The following POU2F1 variants were observed in gnomAD, a reference collection of about 807,000 sequenced individuals.
POU2F1 encodes the protein POU class 2 homeobox 1.
POU2F1 carries 16 observed loss-of-function variants against 84.9 expected under a neutral mutation model. The ratio of observed to expected loss-of-function variants is 0.19; its 90% CI spans 0.13 to 0.29. The LOEUF (loss-of-function observed/expected upper bound fraction) is 0.29, where lower values mean the gene tolerates loss of function less well. POU2F1 is among the 10% of genes least tolerant of loss of function. The pLI is 1.00. For synonymous variants in POU2F1, 368 were observed against 368.3 expected, an observed-to-expected ratio of 1.00 and a Z score of 0.01; for missense variants, 738 against 942.6, an observed-to-expected ratio of 0.78 and a Z score of 2.84.
At chr1:167,292,489 A>T (rs1320380027) in intron 1 of POU2F1, among the ~76,000 whole-genome samples, 3 of 151,584 alleles carry the variant, frequency 2.0e-5, no homozygotes, top group Admixed American at 6.6e-5. Flanking sequence ...GTTTAAAAAA[A>T]AAAAAAAACT....
chr1:167,351,318 G>A (rs1658544430), intron 2 of POU2F1, among the ~76,000 whole-genome samples: 2 of 151,894 alleles, frequency 1.3e-5, no homozygotes, highest in Non-Finnish European at 2.9e-5. Flanking sequence ...TGTGCCACTT[G>A]CATTCCAACT....
rs114450570 is a variant in POU2F1 at position 167,238,255 on chromosome 1, A to T, written c.61+17297A>T. 6.7e-3 allele frequency among the ~76,000 whole-genome samples: 1,018 copies of T among 152,270 alleles called. 15 individuals carry two copies. The highest frequency in any genetic ancestry group is 0.023 in the African/African-American group (951 of 41,554). On this transcript the variant is annotated intron_variant, in intron 1 of 15. Coordinates refer to ENST00000367866, the MANE Select transcript of POU2F1 (RefSeq NM_002697.4). ...AGAGATTTATCAACTGTATGGCAAG[A>T]AATGCAAAATAAAAATATAAAAGAC...
At chr1:167,363,037 C>G (rs1242752449) in intron 2 of POU2F1, among the ~76,000 whole-genome samples, 2 of 152,110 alleles carry the variant, frequency 1.3e-5, no homozygotes, top group Non-Finnish European at 2.9e-5. Context: ...GAGACCATGC[C>G]TTCAGCTCCT....
intron 1 of POU2F1, among the ~76,000 whole-genome samples, chr1:167,272,912 C>T (rs886479975): frequency 1.3e-5 from 2 of 152,152 alleles, no homozygotes; most frequent in Non-Finnish European, 2.9e-5. Flanking sequence ...AGTCCACAAT[C>T]CAAAGTCTTA....
chr1:167,272,104 G>A (rs921578568), intron 1 of POU2F1, among the ~76,000 whole-genome samples: 9 of 152,104 alleles, frequency 5.9e-5, no homozygotes, highest in African/African-American at 2.2e-4. Context: ...CTTTTTACAC[G>A]ACAGGTTTGC....
intron 1 of POU2F1, among the ~76,000 whole-genome samples, chr1:167,302,141 G>C (rs1654746541): frequency 6.6e-6 from 1 of 151,662 alleles, no homozygotes; most frequent in African/African-American, 2.4e-5. Flanking sequence ...GCACCATCTC[G>C]GCTTACTGCA....
At chr1:167,300,764 CT>C (rs1654633209) in intron 1 of POU2F1, among the ~76,000 whole-genome samples, 1 of 150,874 alleles carries the variant, frequency 6.6e-6, no homozygotes, top group Admixed American at 6.6e-5. Flanking sequence ...CACCCAGCCT[CT>C]TATTTTTATT....
At chr1:167,228,944 C>G (rs764864601) in intron 1 of POU2F1, among the ~76,000 whole-genome samples, 3 of 152,122 alleles carry the variant, frequency 2.0e-5, no homozygotes, top group Non-Finnish European at 4.4e-5. Context: ...TTACTATACC[C>G]ATTTTATAGT....
chr1:167,304,173 A>T (rs1449814800), intron 1 of POU2F1, among the ~76,000 whole-genome samples: 1 of 152,312 alleles, frequency 6.6e-6, no homozygotes, highest in African/African-American at 2.4e-5. Flanking sequence ...TACGTGTCTA[A>T]GAGAATAAAC....
At chr1:167,395,915 A>G (rs909079167) in intron 9 of POU2F1, among the ~76,000 whole-genome samples, 1 of 152,220 alleles carries the variant, frequency 6.6e-6, no homozygotes, top group African/African-American at 2.4e-5. Context: ...CCAGATAAAT[A>G]CATTTTTAAA....
At chr1:167,241,562 A>G (rs761841420) in intron 1 of POU2F1, 1 of 152,186 alleles carries the variant, frequency 6.6e-6, no homozygotes, top group Admixed American at 6.5e-5. Context: ...ATACACCTTC[A>G]CTTGTATTAG....
intron 1 of POU2F1, among the ~76,000 whole-genome samples, chr1:167,293,392 A>G (rs75472001): frequency 3.0e-3 from 458 of 152,342 alleles, no homozygotes; most frequent in African/African-American, 0.011. Flanking sequence ...GCAATAAAAT[A>G]TAAAATACCT....
intron 1 of POU2F1, among the ~76,000 whole-genome samples, chr1:167,251,787 G>GT (rs1380662949): frequency 6.6e-6 from 1 of 151,264 alleles, no homozygotes; most frequent in Non-Finnish European, 1.5e-5. Flanking sequence ...CATATTACAG[G>GT]TTTCATAATG....
chr1:167,229,313 G>A (rs1648885847), intron 1 of POU2F1, among the ~76,000 whole-genome samples: 1 of 152,074 alleles, frequency 6.6e-6, no homozygotes, highest in South Asian at 2.1e-4. Context: ...AGGGATGTTG[G>A]GAAAAGGAGC....
At chr1:167,352,685 C>G (rs1044084403) in intron 2 of POU2F1, among the ~76,000 whole-genome samples, 3 of 152,200 alleles carry the variant, frequency 2.0e-5, no homozygotes, top group Non-Finnish European at 4.4e-5. Flanking sequence ...ATGTCCCTTT[C>G]AGCTTTACCA....
chr1:167,221,539 C>A (rs181206959), intron 1 of POU2F1, among the ~76,000 whole-genome samples: 2 of 149,006 alleles, frequency 1.3e-5, no homozygotes, highest in East Asian at 4.0e-4. Context: ...ACGCGTCTTC[C>A]CCCGGGAGCG....
chr1:167,407,295 G>T (rs969440770), intron 13 of POU2F1, among the ~76,000 whole-genome samples: 11 of 152,170 alleles, frequency 7.2e-5, no homozygotes, highest in Non-Finnish European at 1.3e-4. Flanking sequence ...CTCCCAAAGT[G>T]CTGGGATTAC....
At chr1:167,411,904 C>T in intron 13 of POU2F1, 55 bp from the exon 14 acceptor site, 1 of 1,504,972 alleles carries the variant, frequency 6.6e-7, no homozygotes, top group Middle Eastern at 1.8e-4. Context: ...GTAAAGCCAC[C>T]ATTCTTCCAA....
intron 8 of POU2F1, among the ~76,000 whole-genome samples, chr1:167,388,510 A>C (rs898620633): frequency 1.3e-5 from 2 of 152,228 alleles, no homozygotes; most frequent in African/African-American, 4.8e-5. Context: ...TATCTATGTT[A>C]GTGAAAACAT....
Sources: allele counts gnomAD v4.1 joint callset (sites outside exome capture counted in the v4.1 genomes callset), GRCh38; gene constraint gnomAD v4.1.1; transcripts MANE v1.5; gene names NCBI Gene and HGNC (gene_info 2026-07-23, HGNC 2026-07-21).